The following THRB variants were observed in gnomAD, a reference collection of about 807,000 sequenced individuals.
The protein encoded by THRB is thyroid hormone receptor beta.
A neutral mutation model predicts 47.8 loss-of-function variants in THRB; 12 were observed. That is an observed-to-expected ratio of 0.25 (90% CI 0.16 to 0.41). The LOEUF is 0.41. THRB is among the 10% of genes least tolerant of loss of function. The pLI, the probability that THRB is intolerant of heterozygous loss-of-function variation, is 1.00. For missense variants in THRB, 348 were observed against 589.2 expected, an observed-to-expected ratio of 0.59 and a Z score of 4.24; for synonymous variants, 218 against 212.2, an observed-to-expected ratio of 1.03 and a Z score of -0.24.
rs1276992783 is a variant in THRB at position 24,127,630 on chromosome 3, C to T, written c.1013G>A (p.Arg338Gln). 4.3e-6 allele frequency: 7 copies of T among 1,614,012 alleles called. No individual in the cohort carries two copies. The highest frequency in any genetic ancestry group is 1.3e-5 in the African/African-American group (1 of 74,894). Residue 338 changes from arginine to glutamine, a missense_variant, in exon 10 of 11, where the codon CGG becomes CAG. Physicochemically the swap from Arg to Gln is conservative, Grantham distance 43 (BLOSUM62 1). Coordinates refer to ENST00000646209, the MANE Select transcript of THRB (RefSeq NM_001354712.2). ...LTLNGEMAVT[R>Q]GQLKNGGLGV... The stretch of plus-strand genomic sequence containing the variant: ...AAGACCCCCATTTTTCAGCTGGCCC[C>T]GTGTCACTGCCATTTCCCCATTCAA...
At chr3:24,482,585 C>A (rs963274118) in intron 1 of THRB, among the ~76,000 whole-genome samples, 1 of 146,650 alleles carries the variant, frequency 6.8e-6, no homozygotes, top group Admixed American at 7.0e-5. Context: ...AATGTCCTAG[C>A]TCCCAACCAA....
intron 3 of THRB, 82 bp from the exon 4 acceptor site, chr3:24,229,083 C>G: frequency 2.4e-6 from 2 of 840,398 alleles, no homozygotes; most frequent in Non-Finnish European, 4.1e-6. Context: ...ATATCATATG[C>G]ATTAATTACC....
At chr3:24,183,363 C>CTTTT (rs2042158277) in intron 5 of THRB, among the ~76,000 whole-genome samples, 1 of 74,876 alleles carries the variant, frequency 1.3e-5, no homozygotes, top group African/African-American at 5.0e-5. Flanking sequence ...TTTCTTTTTT[C>CTTTT]TTTTCTTTTT....
rs140248048 is a variant in THRB, at chr3:24,328,195, G to A, written c.-189+9105C>T. On this transcript the variant is annotated intron_variant, in intron 2 of 10. Transcript: ENST00000646209. ...TAATGGAAGCATAAAATGACACAAC[G>A]TCTTGTAAAATAATTTTCCTATATT... is the stretch of plus-strand genomic sequence containing the variant. 3.2e-3 allele frequency among the ~76,000 whole-genome samples: 492 copies of A among 152,152 alleles called. 3 individuals carry two copies. Among genetic ancestry groups the A allele is most frequent in the African/African-American group, 0.011 (438 of 41,508 alleles).
chr3:24,287,692 T>C (rs552195308), intron 3 of THRB, among the ~76,000 whole-genome samples: 14 of 151,956 alleles, frequency 9.2e-5, no homozygotes, highest in African/African-American at 3.4e-4. Context: ...ATTCTTTTGA[T>C]GGCCTTTAAA....
rs537099368 is a variant in THRB at position 24,345,945 on chromosome 3, G to A, written c.-260-8574C>T. 2.0e-5 allele frequency among the ~76,000 whole-genome samples: 3 copies of A among 152,050 alleles called. No individual in the cohort carries two copies. The South Asian group carries it at 6.2e-4, about 32-fold the overall frequency. On this transcript the variant is annotated intron_variant, in intron 1 of 10. Transcript: ENST00000646209. ...ATGAGACTTTAATAAAGCTAATAAA[G>A]TTTGCTTTATTTAATTAAAATTAAA... is the stretch of plus-strand genomic sequence containing the variant.
At chr3:24,135,187 G>T (rs912629496) in intron 8 of THRB, among the ~76,000 whole-genome samples, 1 of 152,116 alleles carries the variant, frequency 6.6e-6, no homozygotes, top group African/African-American at 2.4e-5. Context: ...GCCTCCTCCC[G>T]CATATCTCCT....
At chr3:24,349,116 G>A (rs1258139696) in intron 1 of THRB, among the ~76,000 whole-genome samples, 3 of 151,926 alleles carry the variant, frequency 2.0e-5, no homozygotes, top group Non-Finnish European at 4.4e-5. Flanking sequence ...CATTTATATT[G>A]GCATAAAAAT....
At chr3:24,400,756 T>G (rs903573202) in intron 1 of THRB, among the ~76,000 whole-genome samples, 1 of 152,058 alleles carries the variant, frequency 6.6e-6, no homozygotes, top group Non-Finnish European at 1.5e-5. Context: ...CTAGATCAGA[T>G]GCTTACTAAA....
rs1210306152 is a variant in THRB at position 24,215,824 on chromosome 3, AT to A, written c.22+13113del. On this transcript the variant is annotated intron_variant, in intron 4 of 10. Transcript: ENST00000646209. ...AAACACCTCTTATGTGTTTTGTTTC[AT>A]TGTCTTTCTCTTGCCTCTGTTTAGT... is the stretch of plus-strand genomic sequence containing the variant. 1.2e-4 allele frequency among the ~76,000 whole-genome samples: 18 copies of A among 152,262 alleles called. 1 individual carries two copies. Among genetic ancestry groups the A allele is most frequent in the African/African-American group, 4.3e-4 (18 of 41,534 alleles).
At chr3:24,144,284 G>C (rs900621269) in intron 7 of THRB, 1 of 163,998 alleles carries the variant, frequency 6.1e-6, no homozygotes, top group Non-Finnish European at 1.3e-5. Flanking sequence ...GGCCTCACCT[G>C]GGCCTCAAGG....
intron 4 of THRB, among the ~76,000 whole-genome samples, chr3:24,221,589 T>A (rs1163166700): frequency 3.3e-5 from 5 of 152,130 alleles, no homozygotes; most frequent in Non-Finnish European, 7.4e-5. Flanking sequence ...GCCAGCTTTG[T>A]AAAGGGTGCC....
chr3:24,406,313 T>G (rs1395982731), intron 1 of THRB, among the ~76,000 whole-genome samples: 1 of 151,746 alleles, frequency 6.6e-6, no homozygotes, highest in Non-Finnish European at 1.5e-5. Flanking sequence ...TAATTAACCT[T>G]CTATGTTTGT....
rs1158160888 is a variant in THRB at position 24,133,479 on chromosome 3, A to G, written c.739-17T>C. The G allele has an allele frequency of 2.5e-6, 4 of 1,613,296 alleles. No homozygotes were observed. The highest frequency in any genetic ancestry group is 2.2e-5 in the South Asian group (2 of 91,052). On this transcript the variant is annotated splice_polypyrimidine_tract_variant and intron_variant, in intron 8 of 10. Transcript: ENST00000646209. ...GTCTTCTGGCTAAGGAGGAGAAAAA[A>G]GAAAGATTTAAATGAAGAAGTTGAA...
intron 1 of THRB, among the ~76,000 whole-genome samples, chr3:24,379,275 A>C (rs1324857171): frequency 6.6e-6 from 1 of 152,150 alleles, no homozygotes; most frequent in Non-Finnish European, 1.5e-5. Flanking sequence ...ATTTCTCACA[A>C]CATATCAAGC....
intron 7 of THRB, chr3:24,144,157 A>C (rs2035798379): frequency 5.3e-6 from 1 of 188,824 alleles, no homozygotes; most frequent in Non-Finnish European, 1.1e-5. Flanking sequence ...AACGTTATGG[A>C]ATTAAAAAAA....
At chr3:24,409,685 A>G (rs1433077222) in intron 1 of THRB, among the ~76,000 whole-genome samples, 3 of 151,846 alleles carry the variant, frequency 2.0e-5, no homozygotes, top group Non-Finnish European at 4.4e-5. Flanking sequence ...TAGGATTTTT[A>G]AAAAGAGGAG....
At chr3:24,381,613 T>C (rs1396587555) in intron 1 of THRB, among the ~76,000 whole-genome samples, 1 of 152,196 alleles carries the variant, frequency 6.6e-6, no homozygotes, top group Non-Finnish European at 1.5e-5. Flanking sequence ...ATCCAAGAGT[T>C]TCCACTGGTA....
At chr3:24,296,066 A>G (rs1045896226) in intron 3 of THRB, among the ~76,000 whole-genome samples, 23 of 146,090 alleles carry the variant, frequency 1.6e-4, no homozygotes, top group African/African-American at 5.6e-4. Context: ...ATTTCCACTT[A>G]GTTTTCTCTT....
Sources: gnomAD v4.1 joint callset for allele counts (sites outside exome capture counted in the v4.1 genomes callset) on GRCh38, gnomAD v4.1.1 for gene constraint, MANE v1.5 for transcripts, NCBI Gene and HGNC (gene_info 2026-07-23, HGNC 2026-07-21) for gene names.